UTP4: variants seen among roughly 807,000 people sequenced by gnomAD.
The protein encoded by UTP4 is U3 small nucleolar RNA-associated protein 4 homolog.
In UTP4, 45 loss-of-function variants were observed where a neutral mutation model predicts 82.4. That is an observed-to-expected ratio of 0.55 (90% CI 0.43 to 0.70). The LOEUF is 0.70. Among genes scored for constraint, UTP4 ranks in the 30% least tolerant of loss-of-function variants. UTP4 has a pLI of 0.00. For synonymous variants in UTP4, 348 were observed against 300.3 expected (o/e 1.16, Z -1.64); for missense variants, 819 against 858.3 (o/e 0.95, Z 0.57).
At chr16:69,147,001 C>CAAAAAAAAAACAAAAA (rs1963129164) in intron 6 of UTP4, among the ~76,000 whole-genome samples, 1 of 85,788 alleles carries the variant, frequency 1.2e-5, no homozygotes, top group Non-Finnish European at 2.3e-5. Flanking sequence ...GACTCTGCCT[C>CAAAAAAAAAACAAAAA]AAAAAAAAAA....
intron 15 of UTP4, 47 bp from the exon 16 acceptor site, chr16:69,167,028 A>C: frequency 7.7e-7 from 1 of 1,301,064 alleles, no homozygotes. Flanking sequence ...GGTCTGCAGA[A>C]GCCCAATAAA....
intron 5 of UTP4, among the ~76,000 whole-genome samples, chr16:69,141,354 A>G (rs189285269): frequency 2.2e-4 from 33 of 152,344 alleles, no homozygotes; most frequent in African/African-American, 7.7e-4. Context: ...TGCATGAGAA[A>G]GAATTCTAGG....
chr16:69,136,562 G>A, intron 2 of UTP4, 134 bp from the exon 3 acceptor site: 1 of 841,426 alleles, frequency 1.2e-6, no homozygotes, highest in Non-Finnish European at 2.1e-6. Context: ...AATGTCATTA[G>A]GCATGATCTG....
chr16:69,147,566 T>C (rs1963151944), intron 6 of UTP4, among the ~76,000 whole-genome samples: 1 of 152,084 alleles, frequency 6.6e-6, no homozygotes, highest in Non-Finnish European at 1.5e-5. Flanking sequence ...CAAGTACAGG[T>C]TGAGTGTCTC....
chr16:69,147,220 T>TAAG (rs1269049341), intron 6 of UTP4, among the ~76,000 whole-genome samples: 2 of 142,614 alleles, frequency 1.4e-5, no homozygotes, highest in South Asian at 2.2e-4. Context: ...ATAATAATAA[T>TAAG]AAGCCGGGCG....
intron 14 of UTP4, among the ~76,000 whole-genome samples, chr16:69,163,618 A>G (rs1334325617): frequency 6.6e-6 from 1 of 152,010 alleles, no homozygotes; most frequent in African/African-American, 2.4e-5. Context: ...TCTCAGCCAA[A>G]ATTAGAACCT....
intron 8 of UTP4, among the ~76,000 whole-genome samples, 176 bp downstream of exon 8, chr16:69,151,080 C>T (rs1257430804): frequency 1.3e-5 from 2 of 151,364 alleles, no homozygotes; most frequent in Non-Finnish European, 2.9e-5. Context: ...GATCTCGGCT[C>T]ACCACAACCT....
chr16:69,137,672 ACGGC>A, intron 3 of UTP4, 125 bp from the exon 4 acceptor site: 2 of 663,164 alleles, frequency 3.0e-6, no homozygotes, highest in Admixed American at 2.6e-5. Context: ...TTTCTTTTTC[ACGGC>A]AACTGATAGC....
chr16:69,167,021 C>T (rs1420424529), intron 15 of UTP4, 54 bp from the exon 16 acceptor site: 1 of 1,224,454 alleles, frequency 8.2e-7, no homozygotes, highest in Non-Finnish European at 1.2e-6. Flanking sequence ...GATCTTTGGT[C>T]TGCAGAAGCC....
At chr16:69,147,113 G>A (rs1273312442) in intron 6 of UTP4, among the ~76,000 whole-genome samples, 1 of 149,544 alleles carries the variant, frequency 6.7e-6, no homozygotes, top group African/African-American at 2.4e-5. Flanking sequence ...GGAGATAGAC[G>A]TTGCAGTGAG....
intron 6 of UTP4, among the ~76,000 whole-genome samples, chr16:69,144,806 A>C (rs568169056): frequency 6.6e-6 from 1 of 152,298 alleles, no homozygotes; most frequent in East Asian, 1.9e-4. Flanking sequence ...CCCCTTTAAA[A>C]ATAGAGTTTT....
chr16:69,153,696 GT>G lies in UTP4; in HGVS notation c.1099+23del. The G allele has an allele frequency of 1.3e-6, 2 of 1,561,872 alleles. No individual in the cohort carries two copies. The highest frequency in any genetic ancestry group is 1.1e-5 in the South Asian group (1 of 89,036). On this transcript the variant is annotated intron_variant, in intron 9 of 16. Transcript: ENST00000314423. ...GTTGCAACAGGTAAGATGGGAGCAC[GT>G]TTTTTTCAATAAGAAAACTGGAGAG...
At chr16:69,157,442 C>T (rs1307448247) in intron 12 of UTP4, among the ~76,000 whole-genome samples, 1 of 152,190 alleles carries the variant, frequency 6.6e-6, no homozygotes, top group Non-Finnish European at 1.5e-5. Flanking sequence ...TTCACACCTA[C>T]TCTTTTCTCA....
intron 2 of UTP4, among the ~76,000 whole-genome samples, 200 bp from the exon 3 acceptor site, chr16:69,136,496 A>G (rs1962818356): frequency 6.6e-6 from 1 of 152,250 alleles, no homozygotes; most frequent in South Asian, 2.1e-4. Context: ...TAGTCCTAGT[A>G]AAAGAAACAA....
chr16:69,160,517 C>T (rs1963535798), intron 13 of UTP4, 55 bp downstream of exon 13: 1 of 1,268,970 alleles, frequency 7.9e-7, no homozygotes, highest in South Asian at 1.2e-5. Flanking sequence ...AGCCAGTTCA[C>T]CCTGCAGTTA....
intron 3 of UTP4, among the ~76,000 whole-genome samples, chr16:69,137,379 T>C (rs1295106698): frequency 1.3e-5 from 2 of 152,298 alleles, no homozygotes; most frequent in South Asian, 2.1e-4. Flanking sequence ...TGCTTCCAGA[T>C]CTTTAATTCT....
intron 14 of UTP4, among the ~76,000 whole-genome samples, chr16:69,164,606 A>G (rs866426543): frequency 4.5e-5 from 6 of 134,238 alleles, no homozygotes; most frequent in African/African-American, 2.7e-5. Flanking sequence ...ATATATATAT[A>G]TATATATATG....
chr16:69,148,940 G>GT (rs1167978708), intron 6 of UTP4, among the ~76,000 whole-genome samples: 4 of 151,858 alleles, frequency 2.6e-5, no homozygotes, highest in Non-Finnish European at 5.9e-5. Flanking sequence ...TGTGAGTTGT[G>GT]TTTTTTTGTT....
rs562684499 is a variant in UTP4 at position 69,143,319 on chromosome 16, C to T, written c.668C>T (p.Ser223Leu). ...GCTGGGAAGGTGCAGTTCTGGGACT[C>T]AGCCACTGGGACGCTTGTGAAGAGC... The part of the protein sequence containing the change: ...DSAGKVQFWD[S>L]ATGTLVKSHL... Residue 223 changes from serine to leucine, a missense_variant, in exon 6 of 17, where the codon TCA (serine) becomes TTA (leucine). Transcript: ENST00000314423. 102 of 1,614,222 alleles carry T rather than the reference C, an allele frequency of 6.3e-5. 1 individual carries two copies. The highest frequency in any genetic ancestry group is 5.6e-4 in the South Asian group (51 of 91,086).
Sources: gnomAD v4.1 joint callset for allele counts (sites outside exome capture counted in the v4.1 genomes callset) on GRCh38, gnomAD v4.1.1 for gene constraint, MANE v1.5 for transcripts, NCBI Gene and HGNC (gene_info 2026-07-23, HGNC 2026-07-21) for gene names.